RBFOX1: variants seen among roughly 807,000 people sequenced by gnomAD.
RBFOX1 encodes RNA binding fox-1 homolog 1.
Under a neutral mutation model 57.7 loss-of-function variants are expected in RBFOX1, and 8 were observed. The observed-to-expected ratio is 0.14, with a 90% confidence interval of 0.08 to 0.25. The LOEUF (loss-of-function observed/expected upper bound fraction) is 0.25. RBFOX1 is among the 10% of genes least tolerant of loss of function. RBFOX1 has a pLI of 1.00. For synonymous variants in RBFOX1, 326 were observed against 222.4 expected (o/e 1.47, Z -4.15); for missense variants, 611 against 548.5 (o/e 1.11, Z -1.14).
chr16:6,209,448 T>C (rs2097277722), intron 1 of RBFOX1, among the ~76,000 whole-genome samples: 1 of 152,236 alleles, frequency 6.6e-6, no homozygotes, highest in South Asian at 2.1e-4. Context: ...ATTTCCTTAG[T>C]TGAGGTTGAG....
At chr16:7,059,032 G>A (rs1434695002) in intron 4 of RBFOX1, among the ~76,000 whole-genome samples, 3 of 152,288 alleles carry the variant, frequency 2.0e-5, no homozygotes, top group East Asian at 1.9e-4. Context: ...AGTTACAAGC[G>A]AGTTTCTCAT....
At chr16:6,009,296 C>T (rs746820411) in intron 4 of RBFOX1, among the ~76,000 whole-genome samples, 10 of 152,140 alleles carry the variant, frequency 6.6e-5, no homozygotes, top group African/African-American at 1.2e-4. Context: ...CTCATTTTCA[C>T]GTGGTTGCAC....
chr16:7,547,845 T>G (rs1208245036), intron 5 of RBFOX1, among the ~76,000 whole-genome samples: 1 of 152,212 alleles, frequency 6.6e-6, no homozygotes, highest in Non-Finnish European at 1.5e-5. Context: ...GTTGTGTGTA[T>G]TTAACAGCAG....
chr16:5,273,881 G>C (rs1008690493), intron 1 of RBFOX1, among the ~76,000 whole-genome samples: 40 of 152,182 alleles, frequency 2.6e-4, no homozygotes, highest in African/African-American at 9.4e-4. Context: ...CCATGGAGAA[G>C]GGAAAGGAAT....
chr16:5,528,093 A>G (rs906258290), intron 2 of RBFOX1, among the ~76,000 whole-genome samples: 8 of 152,120 alleles, frequency 5.3e-5, no homozygotes, highest in Admixed American at 2.0e-4. Flanking sequence ...TGGAGGACCT[A>G]TTTCTGATTA....
At chr16:7,446,758 C>T (rs371849097) in intron 4 of RBFOX1, among the ~76,000 whole-genome samples, 3 of 147,212 alleles carry the variant, frequency 2.0e-5, no homozygotes, top group Non-Finnish European at 1.5e-5. Flanking sequence ...TCAACTTAAG[C>T]TCACGTTTTC....
At chr16:5,497,035 AT>A (rs545439395) in intron 2 of RBFOX1, among the ~76,000 whole-genome samples, 52 of 152,184 alleles carry the variant, frequency 3.4e-4, no homozygotes, top group Admixed American at 7.2e-4. Flanking sequence ...AGTAAATTGA[AT>A]TTTTTTTACT....
intron 3 of RBFOX1, among the ~76,000 whole-genome samples, chr16:6,716,767 T>G (rs933485961): frequency 2.0e-5 from 3 of 152,194 alleles, no homozygotes; most frequent in African/African-American, 7.2e-5. Flanking sequence ...GGAAGGGATT[T>G]TTTTTTTCCC....
chr16:6,791,908 CACAG>C (rs1351279266), intron 3 of RBFOX1, among the ~76,000 whole-genome samples: 1 of 152,072 alleles, frequency 6.6e-6, no homozygotes, highest in Non-Finnish European at 1.5e-5. Context: ...AGTTATCTAA[CACAG>C]AGAGAGAGAG....
At chr16:7,343,047 A>G (rs2096927916) in intron 4 of RBFOX1, among the ~76,000 whole-genome samples, 1 of 152,136 alleles carries the variant, frequency 6.6e-6, no homozygotes, top group South Asian at 2.1e-4. Flanking sequence ...TGTAGGGGGA[A>G]GAGAGGCCTG....
At chr16:6,916,565 C>T (rs932362261) in intron 3 of RBFOX1, among the ~76,000 whole-genome samples, 2 of 151,826 alleles carry the variant, frequency 1.3e-5, no homozygotes, top group African/African-American at 4.8e-5. Context: ...TAAGAAATCC[C>T]ATAAATCATC....
intron 2 of RBFOX1, among the ~76,000 whole-genome samples, chr16:6,340,261 T>C (rs1005943313): frequency 1.1e-4 from 17 of 151,976 alleles, no homozygotes; most frequent in African/African-American, 3.4e-4. Flanking sequence ...ACAGGAAGTA[T>C]AGGGGTTGGG....
intron 3 of RBFOX1, among the ~76,000 whole-genome samples, chr16:6,988,562 T>A (rs560678669): frequency 0.026 from 2,987 of 113,966 alleles, 57 homozygotes; most frequent in Middle Eastern, 0.074. Flanking sequence ...AATTTAACTT[T>A]ATTTAATTTT....
At chr16:7,125,960 G>A (rs765087917) in intron 4 of RBFOX1, among the ~76,000 whole-genome samples, 7 of 152,100 alleles carry the variant, frequency 4.6e-5, no homozygotes, top group Admixed American at 3.3e-4. Flanking sequence ...GCACACACCC[G>A]TAATCCCAGC....
intron 1 of RBFOX1, among the ~76,000 whole-genome samples, chr16:5,382,262 T>A (rs991214679): frequency 7.2e-5 from 11 of 152,224 alleles, no homozygotes; most frequent in Non-Finnish European, 1.6e-4. Context: ...TTTATGTTTT[T>A]AAAAAATGCT....
At chr16:7,446,480 G>A (rs1431981123) in intron 4 of RBFOX1, among the ~76,000 whole-genome samples, 1 of 152,138 alleles carries the variant, frequency 6.6e-6, no homozygotes, top group Non-Finnish European at 1.5e-5. Context: ...TTTGCCTGCC[G>A]CTGAGCTATG....
At chr16:7,193,546 A>C (rs777688633) in intron 4 of RBFOX1, among the ~76,000 whole-genome samples, 4 of 152,202 alleles carry the variant, frequency 2.6e-5, no homozygotes, top group Non-Finnish European at 5.9e-5. Context: ...TATGGTCCTT[A>C]CACGTGCCAG....
chr16:5,717,806 G>A (rs1302566969), intron 3 of RBFOX1, among the ~76,000 whole-genome samples: 1 of 152,140 alleles, frequency 6.6e-6, no homozygotes, highest in Non-Finnish European at 1.5e-5. Flanking sequence ...CATGATCAGC[G>A]ATTTATTCGA....
At chr16:6,325,147 G>C (rs77331426) in intron 2 of RBFOX1, among the ~76,000 whole-genome samples, 3,743 of 152,182 alleles carry the variant, frequency 0.025, 55 homozygotes, top group East Asian at 0.037. Flanking sequence ...CTTGAGACTA[G>C]GAGTTTAAGA....
Sources: gnomAD v4.1 joint callset for allele counts (sites outside exome capture counted in the v4.1 genomes callset) on GRCh38, gnomAD v4.1.1 for gene constraint, MANE v1.5 for transcripts, NCBI Gene and HGNC (gene_info 2026-07-23, HGNC 2026-07-21) for gene names.